NDST3: variants seen among roughly 807,000 people sequenced by gnomAD.
NDST3 encodes bifunctional heparan sulfate N-deacetylase/N-sulfotransferase 3.
Under a neutral mutation model 96.1 loss-of-function variants are expected in NDST3, and 58 were observed. The observed-to-expected ratio is 0.60, with a 90% CI of 0.49 to 0.75. The LOEUF (loss-of-function observed/expected upper bound fraction) is 0.75, where lower values mean the gene tolerates loss of function less well. Among genes scored for constraint, NDST3 ranks in the 30% least tolerant of loss-of-function variants. The probability of loss-of-function intolerance (pLI) is 0.00; values close to 1 mark genes in which losing one functional copy is unlikely to be tolerated. For missense variants in NDST3, 788 were observed against 1,034.2 expected, an observed-to-expected ratio of 0.76 and a Z score of 3.27; for synonymous variants, 333 against 359.7, an observed-to-expected ratio of 0.93 and a Z score of 0.84.
rs761037652 is a variant in NDST3, at chr4:118,054,219, A to G, written c.309A>G (p.Arg103=). 1 of 1,612,998 alleles carries G rather than the reference A, an allele frequency of 6.2e-7. No individual in the cohort carries two copies. The highest frequency in any genetic ancestry group is 8.5e-7 in the Non-Finnish European group (1 of 1,179,372). ...QDIIMILESS[R]FQYHIEIAPG... Reference sequence around the variant, plus strand: ...TCATTATGATTCTAGAATCAAGTAGATTCCAGTATCACATTGAAATTGCCC... The same window carrying G: ...TCATTATGATTCTAGAATCAAGTAGGTTCCAGTATCACATTGAAATTGCCC... The change falls in exon 2 of 14, where the codon AGA becomes AGG. Residue 103 remains arginine, a synonymous_variant. Coordinates refer to ENST00000296499, the MANE Select transcript of NDST3 (RefSeq NM_004784.3).
At chr4:118,251,088 TTTTATTTATTTATTTA>T (rs372261437) in intron 12 of NDST3, among the ~76,000 whole-genome samples, 6 of 140,018 alleles carry the variant, frequency 4.3e-5, no homozygotes, top group Admixed American at 2.3e-4. Flanking sequence ...GCTATAAATT[TTTTATTTATTTATTTA>T]TTTATTTATT....
At chr4:118,076,347 C>T (rs758128538) in intron 2 of NDST3, among the ~76,000 whole-genome samples, 5 of 152,108 alleles carry the variant, frequency 3.3e-5, no homozygotes, top group Non-Finnish European at 5.9e-5. Flanking sequence ...TGGCCTTTCT[C>T]ACAAGTTTGG....
chr4:118,196,842 C>G (rs942713347), intron 6 of NDST3, among the ~76,000 whole-genome samples: 1 of 150,372 alleles, frequency 6.7e-6, no homozygotes, highest in Non-Finnish European at 1.5e-5. Context: ...TGATTTATTT[C>G]TGCTCTGATC....
At chr4:118,229,488 G>C (rs1359685577) in intron 8 of NDST3, among the ~76,000 whole-genome samples, 1 of 152,098 alleles carries the variant, frequency 6.6e-6, no homozygotes, top group Non-Finnish European at 1.5e-5. Context: ...AGTTTATTCA[G>C]ACCCAAGAAT....
chr4:118,068,953 A>T (rs1012739274), intron 2 of NDST3, among the ~76,000 whole-genome samples: 1 of 152,118 alleles, frequency 6.6e-6, no homozygotes, highest in African/African-American at 2.4e-5. Flanking sequence ...AAATATGTGT[A>T]CATGTGAAAA....
chr4:118,237,342 T>A, intron 10 of NDST3, 122 bp downstream of exon 10: 1 of 746,490 alleles, frequency 1.3e-6, no homozygotes, highest in Non-Finnish European at 1.9e-6. Context: ...GTTTGATATC[T>A]ACAGAAAAAT....
At chr4:118,035,089 CTTTAAA>C (rs1724072783) in intron 1 of NDST3, among the ~76,000 whole-genome samples, 4 of 152,102 alleles carry the variant, frequency 2.6e-5, no homozygotes, top group Admixed American at 1.3e-4. Flanking sequence ...AATACAGAAA[CTTTAAA>C]TTTAAAGAAA....
intron 2 of NDST3, among the ~76,000 whole-genome samples, chr4:118,057,114 T>C (rs1165376684): frequency 6.6e-6 from 1 of 151,930 alleles, no homozygotes. Flanking sequence ...AAGATCTATT[T>C]AGGAAGTAAA....
rs112011943 is a variant in NDST3 at position 118,113,447 on chromosome 4, T to G, written c.1070-1359T>G. The stretch of plus-strand genomic sequence containing the variant: ...TGCCCTTGTTGAATGATTATGCTAT[T>G]CCACTCACTCTACAGCACTTAATCT... On this transcript the variant is annotated intron_variant, in intron 3 of 13. Transcript: ENST00000296499. Among the ~76,000 whole-genome samples, 74 of 152,330 alleles carry G rather than the reference T, an allele frequency of 4.9e-4. 1 individual carries two copies. The highest frequency in any genetic ancestry group is 1.6e-3 in the African/African-American group (66 of 41,582).
At position 118,053,970 on chromosome 4, in the gene NDST3, T is replaced by C. The variant is rs2110447368; in HGVS notation, c.60T>C (p.Thr20=). The C allele has an allele frequency of 6.2e-7, 1 of 1,611,916 alleles. No homozygotes were observed. The highest frequency in any genetic ancestry group is 8.5e-7 in the Non-Finnish European group (1 of 1,178,800). The change falls in exon 2 of 14, where the codon ACT becomes ACC. Residue 20 remains threonine (T), a synonymous_variant. Transcript: ENST00000296499. The part of the protein sequence containing the change: ...HFQRTVILLA[T]FCMVSIIISA... ...AAAGAACAGTCATTCTGCTTGCCACTTTTTGTATGGTGAGCATTATCATTT... is the reference window on the plus strand; with the variant it reads ...AAAGAACAGTCATTCTGCTTGCCACCTTTTGTATGGTGAGCATTATCATTT...
chr4:118,066,650 C>CATTATATATAAT (rs1726596414), intron 2 of NDST3, among the ~76,000 whole-genome samples: 1 of 4,556 alleles, frequency 2.2e-4, no homozygotes, highest in African/African-American at 7.3e-4. Flanking sequence ...TTATATATAA[C>CATTATATATAAT]ATGTTATATA....
intron 6 of NDST3, among the ~76,000 whole-genome samples, chr4:118,185,147 G>A (rs1421515885): frequency 6.6e-6 from 1 of 151,940 alleles, no homozygotes; most frequent in Non-Finnish European, 1.5e-5. Flanking sequence ...GAAATGATGG[G>A]TACATATGCT....
intron 12 of NDST3, among the ~76,000 whole-genome samples, chr4:118,249,848 A>C (rs1186456974): frequency 6.6e-6 from 1 of 152,202 alleles, no homozygotes. Flanking sequence ...CAATGAATAC[A>C]AATATATACA....
At chr4:118,172,819 A>G (rs1004732102) in intron 6 of NDST3, among the ~76,000 whole-genome samples, 7 of 152,160 alleles carry the variant, frequency 4.6e-5, no homozygotes, top group African/African-American at 1.7e-4. Context: ...ATTTTAAGAT[A>G]ATATATTAAG....
chr4:118,187,095 G>C (rs373888756), intron 6 of NDST3, among the ~76,000 whole-genome samples: 53 of 152,276 alleles, frequency 3.5e-4, no homozygotes, highest in South Asian at 1.2e-3. Context: ...GCTAGACAAA[G>C]AGTCTACTCA....
chr4:118,067,193 A>G (rs1389957076), intron 2 of NDST3, among the ~76,000 whole-genome samples: 2 of 151,844 alleles, frequency 1.3e-5, no homozygotes, highest in Non-Finnish European at 2.9e-5. Context: ...GAAATTTTGT[A>G]TAACATTTAA....
intron 8 of NDST3, among the ~76,000 whole-genome samples, chr4:118,229,071 C>A (rs1444798132): frequency 2.6e-5 from 4 of 152,088 alleles, no homozygotes; most frequent in Non-Finnish European, 5.9e-5. Flanking sequence ...GAGACCAAGG[C>A]GGGTGGATCA....
At chr4:118,102,942 G>C (rs1373112926) in intron 2 of NDST3, among the ~76,000 whole-genome samples, 7 of 151,994 alleles carry the variant, frequency 4.6e-5, no homozygotes, top group African/African-American at 1.4e-4. Flanking sequence ...AAATAAATAG[G>C]TAAAATGGAA....
chr4:118,056,678 T>G (rs530275694), intron 2 of NDST3, among the ~76,000 whole-genome samples: 1 of 151,958 alleles, frequency 6.6e-6, no homozygotes, highest in Non-Finnish European at 1.5e-5. Context: ...AATCTTGAAC[T>G]GTAGTCCATT....
Sources: gnomAD v4.1 joint callset for allele counts (sites outside exome capture counted in the v4.1 genomes callset) on GRCh38, gnomAD v4.1.1 for gene constraint, MANE v1.5 for transcripts, NCBI Gene and HGNC (gene_info 2026-07-23, HGNC 2026-07-21) for gene names.